Variants in ZC2HC1A observed in about 807,000 individuals in gnomAD.
ZC2HC1A encodes zinc finger C2HC domain-containing protein 1A.
In ZC2HC1A, 28 loss-of-function variants were observed where a neutral mutation model predicts 40.7. That is an observed-to-expected ratio of 0.69 (90% CI 0.51 to 0.94). The LOEUF (loss-of-function observed/expected upper bound fraction) is 0.94, where lower values mean the gene tolerates loss of function less well. ZC2HC1A is among the 40% of genes least tolerant of loss of function. The pLI is 0.00. For missense variants in ZC2HC1A, 389 were observed against 386.3 expected, an observed-to-expected ratio of 1.01 and a Z score of -0.06; for synonymous variants, 129 against 129.2, an observed-to-expected ratio of 1.00 and a Z score of 0.01.
intron 7 of ZC2HC1A, among the ~76,000 whole-genome samples, chr8:78,702,485 A>G (rs1453128671): frequency 2.6e-5 from 4 of 151,664 alleles, no homozygotes; most frequent in Admixed American, 2.6e-4. Context: ...GATTTTGACT[A>G]TTTCTTGTCT....
intron 2 of ZC2HC1A, among the ~76,000 whole-genome samples, chr8:78,676,728 A>G (rs1397229068): frequency 6.6e-6 from 1 of 151,688 alleles, no homozygotes; most frequent in Non-Finnish European, 1.5e-5. Flanking sequence ...CTTTTTTGTA[A>G]TCTTTTAAAA....
In ZC2HC1A at chr8:78,719,720, T is replaced by C. The variant is rs1191726394; in HGVS notation, c.*2227T>C. 1 of 151,790 alleles carries C rather than the reference T, an allele frequency of 6.6e-6. No individual in the cohort carries two copies. Among genetic ancestry groups the C allele is most frequent in the African/African-American group, 2.4e-5 (1 of 41,438 alleles). The allele number at this position is 151,790 out of a possible 1,614,324, so 9.4% of individuals were successfully genotyped here. A position where few individuals can be genotyped will look rare whatever the true frequency, so the allele number is the denominator to read the frequency against. On this transcript the variant is annotated 3_prime_UTR_variant, in exon 9 of 9. Coordinates refer to ENST00000263849, the MANE Select transcript of ZC2HC1A (RefSeq NM_016010.3). The stretch of plus-strand genomic sequence containing the variant: ...TTGTTTTTTGTTTTTTCACCAATAA[T>C]GTCTTCATATTTGAACCTATTCAAT...
Position 78,689,391 on chromosome 8 carries a change from A to T in ZC2HC1A, c.504+18A>T. 1 of 1,548,024 alleles carries T rather than the reference A, an allele frequency of 6.5e-7. No individual in the cohort carries two copies. ...CACAGGTGGTAAGTTCAGTTTTAAT[A>T]ATTGCTATAAACGAGAAAATGGCTC... On this transcript the variant is annotated intron_variant, in intron 5 of 8. Transcript: ENST00000263849.
intron 3 of ZC2HC1A, among the ~76,000 whole-genome samples, chr8:78,684,830 A>G (rs1809911330): frequency 6.6e-6 from 1 of 152,218 alleles, no homozygotes; most frequent in Admixed American, 6.5e-5. Flanking sequence ...CAAAGTAAAA[A>G]AATACTACTG....
chr8:78,686,439 ATT>A, intron 3 of ZC2HC1A, 26 bp from the exon 4 acceptor site: 1 of 1,138,774 alleles, frequency 8.8e-7, no homozygotes, highest in Non-Finnish European at 1.1e-6. Flanking sequence ...TTGTTTATTT[ATT>A]TATTTATTTA....
At chr8:78,705,333 G>A (rs887789190) in intron 7 of ZC2HC1A, among the ~76,000 whole-genome samples, 14 of 152,084 alleles carry the variant, frequency 9.2e-5, no homozygotes, top group African/African-American at 3.4e-4. Context: ...TTTCCATAGG[G>A]CTGCTTGTGT....
In ZC2HC1A at chr8:78,681,916, C is replaced by CT. The variant is rs1033212677; in HGVS notation, c.210+3245dup. Among the ~76,000 whole-genome samples, 355 of 81,394 alleles carry CT rather than the reference C, an allele frequency of 4.4e-3. 2 individuals are homozygous for CT. The highest frequency in any genetic ancestry group is 0.016 in the African/African-American group (330 of 21,226). 53.4% of individuals were successfully genotyped at this position (81,394 alleles called of 152,430 possible). On this transcript the variant is annotated intron_variant, in intron 3 of 8. Coordinates refer to ENST00000263849, the MANE Select transcript of ZC2HC1A (RefSeq NM_016010.3). Reference sequence around the variant, plus strand: ...CTTTTTCTTTCTTTTTTTTTTTTTTCTTTTTTTTGAGACAGGGATCTTACT... The same window carrying CT: ...CTTTTTCTTTCTTTTTTTTTTTTTTCTTTTTTTTTGAGACAGGGATCTTACT...
intron 7 of ZC2HC1A, among the ~76,000 whole-genome samples, chr8:78,714,188 C>G (rs1330856489): frequency 1.3e-5 from 2 of 152,094 alleles, no homozygotes; most frequent in Admixed American, 6.5e-5. Context: ...CATCTAAATC[C>G]TAGCTTTGGA....
rs185437180 is a variant in ZC2HC1A, at chr8:78,686,679, A to G, written c.352+71A>G. ...AATGATAGAGTTTTTATAAATTTTC[A>G]CTTGTTAAGCTTAACTTACAATCAT... On this transcript the variant is annotated intron_variant, in intron 4 of 8. Transcript: ENST00000263849. 5.0e-4 allele frequency: 686 copies of G among 1,363,938 alleles called. 5 individuals are homozygous for G. The African/African-American group carries it at 9.1e-3, about 18-fold the overall frequency. 84.5% of individuals were successfully genotyped at this position (1,363,938 alleles called of 1,614,324 possible). A position where few individuals can be genotyped will look rare whatever the true frequency, so the allele number is the denominator to read the frequency against.
intron 7 of ZC2HC1A, chr8:78,712,124 A>G: frequency 8.0e-7 from 1 of 1,247,078 alleles, no homozygotes. Flanking sequence ...TTTGTAACTC[A>G]GTTTGGTTAA....
At chr8:78,705,361 C>T (rs185493910) in intron 7 of ZC2HC1A, among the ~76,000 whole-genome samples, 29 of 152,296 alleles carry the variant, frequency 1.9e-4, no homozygotes, top group African/African-American at 7.0e-4. Context: ...GTGTCCACTC[C>T]AGTCACTAGT....
chr8:78,683,837 A>G lies in ZC2HC1A; in HGVS notation c.211-2630A>G, dbSNP rs559712152. Among the ~76,000 whole-genome samples, 6 of 152,336 alleles carry G rather than the reference A, an allele frequency of 3.9e-5. 2 individuals carry two copies. Among genetic ancestry groups the G allele is most frequent in the African/African-American group, 1.4e-4 (6 of 41,578 alleles). ...TTGCTCCCCAGAAATTTCTTCCACC[A>G]GAAACCTTAAATCATCTTTCCCAAG... is the stretch of plus-strand genomic sequence containing the variant. On this transcript the variant is annotated intron_variant, in intron 3 of 8. Transcript: ENST00000263849.
intron 3 of ZC2HC1A, chr8:78,679,261 T>C (rs1302587633): frequency 6.6e-6 from 1 of 152,176 alleles, no homozygotes; most frequent in Non-Finnish European, 1.5e-5. Flanking sequence ...TAATCTCTCC[T>C]TAATATCTGT....
At position 78,719,746 on chromosome 8, in the gene ZC2HC1A, A is replaced by G. The variant is rs1483435202; in HGVS notation, c.*2253A>G. ...GTCTTCATATTTGAACCTATTCAAT[A>G]AAGACATGAAGCATAAAAATGCTAG... On this transcript the variant is annotated 3_prime_UTR_variant, in exon 9 of 9. Coordinates refer to ENST00000263849, the MANE Select transcript of ZC2HC1A (RefSeq NM_016010.3). 1 of 151,798 alleles carries G rather than the reference A, an allele frequency of 6.6e-6. No homozygotes were observed. The highest frequency in any genetic ancestry group is 1.5e-5 in the Non-Finnish European group (1 of 67,698). 9.4% of individuals were successfully genotyped at this position (151,798 alleles called of 1,614,324 possible). A position where few individuals can be genotyped will look rare whatever the true frequency, so the allele number is the denominator to read the frequency against.
At chr8:78,680,308 A>AG (rs1371441241) in intron 3 of ZC2HC1A, among the ~76,000 whole-genome samples, 1 of 121,674 alleles carries the variant, frequency 8.2e-6, no homozygotes, top group Non-Finnish European at 1.8e-5. Flanking sequence ...AAAAAAAAAA[A>AG]AAAAAAAGCA....
chr8:78,692,471 G>T (rs1348206393), intron 5 of ZC2HC1A, among the ~76,000 whole-genome samples: 2 of 152,084 alleles, frequency 1.3e-5, no homozygotes, highest in Non-Finnish European at 1.5e-5. Context: ...TTCTTTGCTG[G>T]TAATGTTTGG....
chr8:78,706,622 G>A (rs954981847), intron 7 of ZC2HC1A, among the ~76,000 whole-genome samples: 1 of 152,132 alleles, frequency 6.6e-6, no homozygotes, highest in African/African-American at 2.4e-5. Context: ...TTTGTTCTCT[G>A]TGGGTCAAGT....
intron 6 of ZC2HC1A, among the ~76,000 whole-genome samples, chr8:78,698,085 G>T (rs943732504): frequency 1.3e-5 from 2 of 152,128 alleles, no homozygotes; most frequent in Middle Eastern, 3.2e-3. Context: ...CTTTGATCCA[G>T]CATTTTCCTC....
chr8:78,689,494 AGTTT>A, intron 5 of ZC2HC1A, 121 bp downstream of exon 5: 30 of 850,072 alleles, frequency 3.5e-5, no homozygotes, highest in Middle Eastern at 3.6e-4. Context: ...ATAGATATAT[AGTTT>A]TATATATCTA....
Sources: gnomAD v4.1 joint callset for allele counts (sites outside exome capture counted in the v4.1 genomes callset) on GRCh38, gnomAD v4.1.1 for gene constraint, MANE v1.5 for transcripts, NCBI Gene and HGNC (gene_info 2026-07-23, HGNC 2026-07-21) for gene names.